Variants in SGIP1 observed in about 807,000 individuals in gnomAD.
SGIP1 encodes the protein SH3-containing GRB2-like protein 3-interacting protein 1.
In SGIP1, 38 loss-of-function variants were observed where a neutral mutation model predicts 107.5. The ratio of observed to expected loss-of-function variants is 0.35; its 90% CI spans 0.27 to 0.46. SGIP1 has a LOEUF of 0.46. SGIP1 is among the 20% of genes least tolerant of loss of function. SGIP1 has a pLI of 1.00. For missense variants in SGIP1, 929 were observed against 1,019.5 expected (o/e 0.91, Z 1.21); for synonymous variants, 365 against 366.1 (o/e 1.00, Z 0.03).
In SGIP1 at chr1:66,745,255, T is replaced by C. The variant is rs116285550; in HGVS notation, c.*2160T>C. 8.9e-3 allele frequency: 1,355 copies of C among 152,150 alleles called. 24 individuals carry two copies. Among genetic ancestry groups the C allele is most frequent in the African/African-American group, 0.031 (1,304 of 41,570 alleles). The allele number at this position is 152,150 out of a possible 1,614,324, so 9.4% of individuals were successfully genotyped here. ...GTAATCTCTAACATTATTCAAATCT[T>C]TCTAGGGATTAAATTAGAAACTATG... is the stretch of plus-strand genomic sequence containing the variant. On this transcript the variant is annotated 3_prime_UTR_variant, in exon 25 of 25. Coordinates refer to ENST00000371037, the MANE Select transcript of SGIP1 (RefSeq NM_032291.4).
At chr1:66,590,635 A>T (rs1279349233) in intron 1 of SGIP1, 4 of 152,126 alleles carry the variant, frequency 2.6e-5, no homozygotes, top group Non-Finnish European at 5.9e-5. Flanking sequence ...ATACATCTAG[A>T]TCGTAGGATA....
intron 1 of SGIP1, among the ~76,000 whole-genome samples, chr1:66,582,844 C>A (rs1252349782): frequency 1.3e-5 from 2 of 151,446 alleles, no homozygotes; most frequent in African/African-American, 4.9e-5. Flanking sequence ...GCCCCAGATT[C>A]TCATTCTTAA....
chr1:66,599,765 C>T (rs1234645394), intron 1 of SGIP1, among the ~76,000 whole-genome samples: 1 of 152,186 alleles, frequency 6.6e-6, no homozygotes, highest in Non-Finnish European at 1.5e-5. Flanking sequence ...CTTTAGGCTC[C>T]TGTAACCGAG....
intron 1 of SGIP1, among the ~76,000 whole-genome samples, chr1:66,561,560 G>C (rs976624526): frequency 6.6e-6 from 1 of 152,020 alleles, no homozygotes; most frequent in Non-Finnish European, 1.5e-5. Context: ...AGTCTACAGA[G>C]CACTCTCATA....
intron 1 of SGIP1, among the ~76,000 whole-genome samples, chr1:66,560,689 T>C (rs2058804892): frequency 6.6e-6 from 1 of 152,068 alleles, no homozygotes; most frequent in South Asian, 2.1e-4. Flanking sequence ...TACTAATAAA[T>C]ATTTACTAAT....
intron 1 of SGIP1, among the ~76,000 whole-genome samples, chr1:66,560,935 A>C (rs2058843774): frequency 6.6e-6 from 1 of 152,082 alleles, no homozygotes; most frequent in Admixed American, 6.6e-5. Context: ...CACTTAGCAT[A>C]GAGTAAGCCC....
chr1:66,562,448 A>C (rs1360919474), intron 1 of SGIP1, among the ~76,000 whole-genome samples: 4 of 151,976 alleles, frequency 2.6e-5, no homozygotes, highest in Admixed American at 1.3e-4. Flanking sequence ...TGGGGAATGC[A>C]AAAGAGGGAG....
chr1:66,708,977 T>C (rs899774319), intron 18 of SGIP1, among the ~76,000 whole-genome samples: 1 of 152,102 alleles, frequency 6.6e-6, no homozygotes, highest in Non-Finnish European at 1.5e-5. Context: ...TATCAATCAT[T>C]CGAATTTTTT....
chr1:66,673,630 G>T (rs1025176539), intron 12 of SGIP1, among the ~76,000 whole-genome samples: 1 of 152,124 alleles, frequency 6.6e-6, no homozygotes, highest in Non-Finnish European at 1.5e-5. Flanking sequence ...ATTACTGCAA[G>T]TCTACACAAA....
intron 15 of SGIP1, among the ~76,000 whole-genome samples, chr1:66,685,447 C>G (rs1433313048): frequency 6.6e-6 from 1 of 152,146 alleles, no homozygotes; most frequent in Non-Finnish European, 1.5e-5. Context: ...CTCTCTTCTC[C>G]CATGTGGGTT....
Position 66,660,529 on chromosome 1 carries a change from GA to G in SGIP1, c.471+8del. The G allele has an allele frequency of 6.2e-7, 1 of 1,609,996 alleles. No homozygotes were observed. The highest frequency in any genetic ancestry group is 8.5e-7 in the Non-Finnish European group (1 of 1,176,380). ...CGCTTTTAGAGGAAAAGTCCGGTAA[GA>G]AATAAGTCCTTCCCGCTTTTGGGGC... On this transcript the variant is annotated splice_donor_region_variant and intron_variant, in intron 8 of 24. Transcript: ENST00000371037.
chr1:66,644,457 C>A (rs1378399867), intron 7 of SGIP1, among the ~76,000 whole-genome samples: 1 of 152,060 alleles, frequency 6.6e-6, no homozygotes, highest in Admixed American at 6.6e-5. Context: ...ACAGCCTTTT[C>A]TCTGTTTGAT....
intron 18 of SGIP1, among the ~76,000 whole-genome samples, chr1:66,696,389 G>T (rs933537615): frequency 4.6e-5 from 7 of 152,156 alleles, no homozygotes; most frequent in Admixed American, 4.6e-4. Context: ...AGGATCAAAA[G>T]TTGGCCAAAA....
At chr1:66,672,594 C>A (rs2084093549) in intron 11 of SGIP1, among the ~76,000 whole-genome samples, 1 of 152,170 alleles carries the variant, frequency 6.6e-6, no homozygotes, top group African/African-American at 2.4e-5. Context: ...CCACATAGAC[C>A]TCACTGGGAT....
At chr1:66,657,578 C>T (rs564514586) in intron 7 of SGIP1, among the ~76,000 whole-genome samples, 1 of 152,112 alleles carries the variant, frequency 6.6e-6, no homozygotes, top group South Asian at 2.1e-4. Context: ...GTAATAACAG[C>T]CAGAGAGAGA....
At chr1:66,624,889 A>T (rs2072231528) in intron 1 of SGIP1, among the ~76,000 whole-genome samples, 1 of 152,218 alleles carries the variant, frequency 6.6e-6, no homozygotes, top group Non-Finnish European at 1.5e-5. Context: ...CCTTGACAAG[A>T]GAAGTACAGA....
chr1:66,736,594 A>G (rs1310080937), intron 21 of SGIP1, among the ~76,000 whole-genome samples: 1 of 142,490 alleles, frequency 7.0e-6, no homozygotes, highest in African/African-American at 2.6e-5. Context: ...ATTGCGTATT[A>G]TATGTGAATA....
chr1:66,715,063 A>C (rs659291), intron 18 of SGIP1, among the ~76,000 whole-genome samples: 90,312 of 151,874 alleles, frequency 0.59, 27,686 homozygotes, highest in East Asian at 1. Context: ...ATTGATCTGC[A>C]TTTTGATTTG....
chr1:66,673,443 G>A (rs527730209), intron 12 of SGIP1, 77 bp downstream of exon 12: 46 of 1,224,714 alleles, frequency 3.8e-5, no homozygotes, highest in South Asian at 1.4e-4. Flanking sequence ...TTAAATGTAT[G>A]TATTTTGAGG....
Sources: allele counts gnomAD v4.1 joint callset (sites outside exome capture counted in the v4.1 genomes callset), GRCh38; gene constraint gnomAD v4.1.1; transcripts MANE v1.5; gene names NCBI Gene and HGNC (gene_info 2026-07-23, HGNC 2026-07-21).